EXOC4: variants seen among roughly 807,000 people sequenced by gnomAD.
EXOC4 encodes exocyst complex component 4.
In EXOC4, 71 loss-of-function variants were observed where a neutral mutation model predicts 107.2. That is an observed-to-expected ratio of 0.66 (90% CI 0.55 to 0.81). The LOEUF (loss-of-function observed/expected upper bound fraction) is 0.81. Ranked by LOEUF, EXOC4 falls within the 30% of genes least tolerant of loss-of-function variation. The pLI, the probability that EXOC4 is intolerant of heterozygous loss-of-function variation, is 0.00. For synonymous variants in EXOC4, 456 were observed against 441.2 expected, an observed-to-expected ratio of 1.03 and a Z score of -0.42; for missense variants, 1,108 against 1,189.6, an observed-to-expected ratio of 0.93 and a Z score of 1.01.
chr7:133,532,924 A>G (rs1800207110), intron 9 of EXOC4, among the ~76,000 whole-genome samples: 1 of 152,002 alleles, frequency 6.6e-6, no homozygotes, highest in African/African-American at 2.4e-5. Context: ...ATTTGCTTTG[A>G]ATGTAGTTTT....
Position 133,775,814 on chromosome 7 carries a change from T to C in EXOC4, c.1515-41511T>C, listed in dbSNP as rs201586643. 2.6e-5 allele frequency among the ~76,000 whole-genome samples: 4 copies of C among 152,188 alleles called. No individual in the cohort carries two copies. In the East Asian group the frequency reaches 7.7e-4, roughly 29 times the overall value. Reference sequence around the variant, plus strand: ...GAAGAAAGTCATGGCTTATAGACCATGTGGGATGTTCTTCTGTCTACATTA... The same window carrying C: ...GAAGAAAGTCATGGCTTATAGACCACGTGGGATGTTCTTCTGTCTACATTA... On this transcript the variant is annotated intron_variant, in intron 10 of 17. Coordinates refer to ENST00000253861, the MANE Select transcript of EXOC4 (RefSeq NM_021807.4).
At chr7:133,675,066 A>G (rs910977581) in intron 10 of EXOC4, among the ~76,000 whole-genome samples, 1 of 152,184 alleles carries the variant, frequency 6.6e-6, no homozygotes, top group East Asian at 1.9e-4. Context: ...AAAAGCATAT[A>G]ATGCTTAATT....
intron 14 of EXOC4, among the ~76,000 whole-genome samples, chr7:133,983,964 T>C (rs1398445038): frequency 6.6e-6 from 1 of 152,208 alleles, no homozygotes; most frequent in South Asian, 2.1e-4. Flanking sequence ...ATGATGAGTT[T>C]TTTTACCAAG....
At chr7:133,770,091 C>CT (rs5887643) in intron 10 of EXOC4, among the ~76,000 whole-genome samples, 149,903 of 152,008 alleles carry the variant, frequency 0.99, 73,961 homozygotes, top group Middle Eastern at 1. Flanking sequence ...TTTGATCCCC[C>CT]ATAGCTATTT....
downstream of EXOC4, among the ~76,000 whole-genome samples, chr7:134,070,418 C>A (rs1246294906): frequency 1.3e-5 from 2 of 152,306 alleles, no homozygotes; most frequent in East Asian, 3.9e-4. Flanking sequence ...CACCTGAAAA[C>A]AACTAATCCT....
intron 7 of EXOC4, among the ~76,000 whole-genome samples, chr7:133,389,611 G>C (rs1254472447): frequency 2.0e-5 from 3 of 147,698 alleles, no homozygotes; most frequent in East Asian, 2.0e-4. Flanking sequence ...TCTTAAGTCA[G>C]GTTGAAGTTG....
chr7:133,601,348 T>C (rs566257340), intron 9 of EXOC4, among the ~76,000 whole-genome samples: 39 of 152,248 alleles, frequency 2.6e-4, no homozygotes, highest in African/African-American at 9.1e-4. Context: ...TGTATGTATG[T>C]ATGTGTGTGT....
At chr7:134,052,874 G>T (rs769155641) in intron 17 of EXOC4, among the ~76,000 whole-genome samples, 2 of 152,112 alleles carry the variant, frequency 1.3e-5, no homozygotes, top group Non-Finnish European at 2.9e-5. Flanking sequence ...TTTTCCATTA[G>T]CGACCATTAT....
chr7:133,667,324 C>G (rs1469738279), intron 10 of EXOC4, among the ~76,000 whole-genome samples: 1 of 151,036 alleles, frequency 6.6e-6, no homozygotes, highest in Non-Finnish European at 1.5e-5. Flanking sequence ...CTGACACTCA[C>G]ATCCATCATT....
At chr7:133,948,697 T>C (rs1800613396) in intron 14 of EXOC4, among the ~76,000 whole-genome samples, 5 of 152,132 alleles carry the variant, frequency 3.3e-5, no homozygotes, top group Admixed American at 3.3e-4. Context: ...TCATTCTTAA[T>C]CTCTTATCCC....
intron 5 of EXOC4, among the ~76,000 whole-genome samples, chr7:133,338,231 T>G (rs1795565922): frequency 6.6e-6 from 1 of 152,176 alleles, no homozygotes; most frequent in Admixed American, 6.5e-5. Flanking sequence ...AAAGTTTTCA[T>G]TCATCACTGC....
chr7:133,639,427 G>A (rs923370958), intron 10 of EXOC4, among the ~76,000 whole-genome samples: 5 of 152,032 alleles, frequency 3.3e-5, no homozygotes, highest in African/African-American at 4.8e-5. Flanking sequence ...GTGTCATACT[G>A]CCTGTGAAGT....
intron 3 of EXOC4, among the ~76,000 whole-genome samples, chr7:133,305,281 C>G (rs1227002589): frequency 6.6e-6 from 1 of 152,136 alleles, no homozygotes; most frequent in Non-Finnish European, 1.5e-5. Flanking sequence ...CCATTCATAT[C>G]CCGTTTCTTC....
At chr7:133,797,435 C>A (rs1344423579) in intron 10 of EXOC4, among the ~76,000 whole-genome samples, 13 of 152,130 alleles carry the variant, frequency 8.5e-5, no homozygotes. Flanking sequence ...TATCAAAGAT[C>A]AATCTTAATG....
chr7:133,263,433 G>A (rs1339980682), intron 1 of EXOC4, among the ~76,000 whole-genome samples: 1 of 137,536 alleles, frequency 7.3e-6, no homozygotes, highest in Non-Finnish European at 1.5e-5. Context: ...CCAAGCTGGA[G>A]TGCAGTGGTG....
chr7:133,693,562 C>T (rs1370281152), intron 10 of EXOC4, among the ~76,000 whole-genome samples: 1 of 152,204 alleles, frequency 6.6e-6, no homozygotes, highest in Non-Finnish European at 1.5e-5. Flanking sequence ...CCATCACACT[C>T]CTAATTACAC....
intron 13 of EXOC4, among the ~76,000 whole-genome samples, chr7:133,925,752 T>C (rs531311352): frequency 5.9e-5 from 9 of 152,222 alleles, no homozygotes; most frequent in South Asian, 2.1e-4. Context: ...TCTTGAAAGA[T>C]GCACAATAAA....
chr7:133,918,957 A>C (rs1028412079), intron 13 of EXOC4, among the ~76,000 whole-genome samples: 5 of 152,362 alleles, frequency 3.3e-5, no homozygotes, highest in African/African-American at 9.6e-5. Flanking sequence ...AAATTGTGCA[A>C]CTGTAGACAA....
intron 7 of EXOC4, among the ~76,000 whole-genome samples, chr7:133,457,981 TAAAAG>T (rs368906958): frequency 1.3e-5 from 2 of 152,200 alleles, no homozygotes; most frequent in Non-Finnish European, 2.9e-5. Context: ...TTAGAAGAAA[TAAAAG>T]AAGGAAGAAT....
Sources: gnomAD v4.1 joint callset for allele counts (sites outside exome capture counted in the v4.1 genomes callset) on GRCh38, gnomAD v4.1.1 for gene constraint, MANE v1.5 for transcripts, NCBI Gene and HGNC (gene_info 2026-07-23, HGNC 2026-07-21) for gene names.